ACOXL: variants seen among roughly 807,000 people sequenced by gnomAD.
ACOXL encodes the protein acyl-CoA oxidase like.
ACOXL carries 70 observed loss-of-function variants against 71.9 expected under a neutral mutation model. That is an observed-to-expected ratio of 0.97 (90% CI 0.80 to 1.19). ACOXL has a LOEUF of 1.19. Among genes scored for constraint, ACOXL ranks in the 50% most tolerant of loss-of-function variants. ACOXL has a pLI of 0.00. For synonymous variants in ACOXL, 253 were observed against 281.6 expected, an observed-to-expected ratio of 0.90 and a Z score of 1.02; for missense variants, 703 against 736.3, an observed-to-expected ratio of 0.95 and a Z score of 0.52.
At chr2:111,110,666 G>A (rs2069881317) in intron 17 of ACOXL, among the ~76,000 whole-genome samples, 1 of 152,134 alleles carries the variant, frequency 6.6e-6, no homozygotes, top group South Asian at 2.1e-4. Context: ...CCCCATGTGT[G>A]GAAGCTTCTG....
chr2:110,947,622 C>A (rs942828579), intron 12 of ACOXL, among the ~76,000 whole-genome samples: 1 of 152,234 alleles, frequency 6.6e-6, no homozygotes, highest in Non-Finnish European at 1.5e-5. Flanking sequence ...CCCTTCTCCC[C>A]CTCTGCCTCC....
chr2:110,893,735 T>C (rs1232364599), intron 10 of ACOXL, among the ~76,000 whole-genome samples: 1 of 152,208 alleles, frequency 6.6e-6, no homozygotes, highest in African/African-American at 2.4e-5. Context: ...ATAGCCCTAA[T>C]TGAATATGTT....
chr2:110,924,731 T>C (rs755497993), intron 11 of ACOXL, among the ~76,000 whole-genome samples: 2 of 152,136 alleles, frequency 1.3e-5, no homozygotes, highest in African/African-American at 4.8e-5. Context: ...TCCATGAGGG[T>C]TGGAACATCA....
Position 111,047,229 on chromosome 2 carries a change from C to G in ACOXL, c.1370-1989C>G, listed in dbSNP as rs190167738. On this transcript the variant is annotated intron_variant, in intron 15 of 17. Transcript: ENST00000439055. ...AGTTCAAGGTAACTTGAAGTGGGTG[C>G]TATGTCTATGATAACGAAAAGTATC... is the stretch of plus-strand genomic sequence containing the variant. 1.2e-3 allele frequency among the ~76,000 whole-genome samples: 187 copies of G among 152,256 alleles called. 1 individual carries two copies. Among genetic ancestry groups the G allele is most frequent in the African/African-American group, 4.5e-3 (186 of 41,540 alleles).
intron 10 of ACOXL, among the ~76,000 whole-genome samples, chr2:110,873,162 C>T (rs2149049838): frequency 6.6e-6 from 1 of 152,324 alleles, no homozygotes; most frequent in East Asian, 1.9e-4. Flanking sequence ...TGTCATAAAA[C>T]TGTGTTGTGC....
At chr2:110,869,513 C>T (rs1262101441) in intron 10 of ACOXL, among the ~76,000 whole-genome samples, 1 of 152,160 alleles carries the variant, frequency 6.6e-6, no homozygotes, top group Non-Finnish European at 1.5e-5. Flanking sequence ...GGGATGTATT[C>T]TCTCCTGCTC....
Position 110,784,829 on chromosome 2 carries a change from G to T in ACOXL, c.159+14G>T. 6.3e-7 allele frequency: 1 copy of T among 1,590,774 alleles called. No individual in the cohort carries two copies. The highest frequency in any genetic ancestry group is 8.5e-7 in the Non-Finnish European group (1 of 1,172,218). Reference sequence around the variant, plus strand: ...ACAGGAGTGAAGGTGAGAGGCGCCGGGCACCTGCCCTTCATGAATGCATGC... The same window carrying T: ...ACAGGAGTGAAGGTGAGAGGCGCCGTGCACCTGCCCTTCATGAATGCATGC... On this transcript the variant is annotated intron_variant, in intron 3 of 17. Transcript: ENST00000439055.
At chr2:110,771,263 T>G (rs537707078) in intron 2 of ACOXL, among the ~76,000 whole-genome samples, 1 of 152,354 alleles carries the variant, frequency 6.6e-6, no homozygotes, top group South Asian at 2.1e-4. Context: ...AATTCCGCCC[T>G]GTAAACAGCT....
chr2:110,811,730 TACACACACACACACACACACACACAC>T (rs780039810), intron 9 of ACOXL, among the ~76,000 whole-genome samples: 2 of 101,614 alleles, frequency 2.0e-5, no homozygotes, highest in Admixed American at 1.1e-4. Flanking sequence ...TTTTTTTGCA[TACACACACACACACACACACACACAC>T]ACACACACAC....
chr2:110,908,710 C>G, intron 10 of ACOXL, 79 bp from the exon 11 acceptor site: 1 of 1,134,410 alleles, frequency 8.8e-7, no homozygotes, highest in Admixed American at 1.8e-5. Flanking sequence ...AATGGCTAGC[C>G]AGCATTTTTA....
chr2:111,097,398 A>G (rs1271836744), intron 17 of ACOXL, among the ~76,000 whole-genome samples: 1 of 152,228 alleles, frequency 6.6e-6, no homozygotes, highest in African/African-American at 2.4e-5. Flanking sequence ...ACAGCTAGCA[A>G]AAACTCCTAT....
At chr2:110,793,587 G>C in intron 3 of ACOXL, 63 bp from the exon 4 acceptor site, 1 of 1,489,358 alleles carries the variant, frequency 6.7e-7, no homozygotes, top group Admixed American at 1.7e-5. Context: ...TTTGGCCGTG[G>C]ATTTAATTGT....
intron 3 of ACOXL, among the ~76,000 whole-genome samples, chr2:110,787,868 C>A (rs1280576322): frequency 6.6e-6 from 1 of 152,206 alleles, no homozygotes; most frequent in Admixed American, 6.5e-5. Context: ...GAGTCCCATC[C>A]ACTCGCTGTC....
intron 1 of ACOXL, among the ~76,000 whole-genome samples, chr2:110,752,340 G>A (rs951523884): frequency 2.6e-5 from 4 of 151,994 alleles, no homozygotes; most frequent in Admixed American, 6.6e-5. Flanking sequence ...CAAAAAATAC[G>A]TTGGGCATGT....
chr2:110,922,064 T>C (rs1393492629), intron 11 of ACOXL, among the ~76,000 whole-genome samples: 1 of 152,272 alleles, frequency 6.6e-6, no homozygotes. Context: ...AATTGTGATC[T>C]GCAGATCATA....
chr2:110,981,019 C>T (rs753805223), intron 12 of ACOXL, among the ~76,000 whole-genome samples: 35 of 152,190 alleles, frequency 2.3e-4, no homozygotes, highest in Non-Finnish European at 4.7e-4. Context: ...CCAGTGACTA[C>T]ACAGAGCCTG....
intron 9 of ACOXL, among the ~76,000 whole-genome samples, chr2:110,826,960 A>T (rs73956473): frequency 6.6e-6 from 1 of 151,968 alleles, no homozygotes; most frequent in African/African-American, 2.4e-5. Flanking sequence ...CCATGGTGAG[A>T]TGTGGTGTGG....
chr2:110,797,015 ACT>A (rs142793993), intron 5 of ACOXL, among the ~76,000 whole-genome samples: 1,858 of 151,962 alleles, frequency 0.012, 42 homozygotes, highest in African/African-American at 0.043. Flanking sequence ...GTGCAGTTCC[ACT>A]CTCTGCCATT....
At chr2:110,771,334 T>C (rs1681895982) in intron 2 of ACOXL, among the ~76,000 whole-genome samples, 1 of 152,180 alleles carries the variant, frequency 6.6e-6, no homozygotes, top group East Asian at 1.9e-4. Flanking sequence ...TGCCTCTTAA[T>C]AAAATGATTG....
Sources: allele counts gnomAD v4.1 joint callset (sites outside exome capture counted in the v4.1 genomes callset), GRCh38; gene constraint gnomAD v4.1.1; transcripts MANE v1.5; gene names NCBI Gene and HGNC (gene_info 2026-07-23, HGNC 2026-07-21).